Variants in DLGAP2 observed in about 807,000 individuals in gnomAD.
DLGAP2 encodes disks large-associated protein 2.
In DLGAP2, 26 loss-of-function variants were observed where a neutral mutation model predicts 100.3. That is an observed-to-expected ratio of 0.26 (90% CI 0.19 to 0.36). DLGAP2 has a LOEUF of 0.36. Ranked by LOEUF, DLGAP2 falls within the 10% of genes least tolerant of loss-of-function variation. The pLI is 1.00. For missense variants in DLGAP2, 1,858 were observed against 1,453.2 expected (o/e 1.28, Z -4.53); for synonymous variants, 886 against 630.1 (o/e 1.41, Z -6.08).
At chr8:1,607,707 G>T (rs1796848160) in intron 6 of DLGAP2, among the ~76,000 whole-genome samples, 1 of 152,232 alleles carries the variant, frequency 6.6e-6, no homozygotes. Flanking sequence ...CCGAAGCAGG[G>T]CGAGGCATTG....
intron 1 of DLGAP2, among the ~76,000 whole-genome samples, chr8:818,042 G>T (rs989930182): frequency 1.3e-5 from 2 of 152,166 alleles, no homozygotes; most frequent in Non-Finnish European, 2.9e-5. Flanking sequence ...CTCGGGCAGT[G>T]GGCAGGGCCA....
At chr8:1,192,891 C>T (rs570540241) in intron 2 of DLGAP2, among the ~76,000 whole-genome samples, 11 of 151,244 alleles carry the variant, frequency 7.3e-5, no homozygotes, top group African/African-American at 2.4e-4. Flanking sequence ...TTTCATTGTT[C>T]ACTTCCCACC....
chr8:1,679,266 C>T (rs56109136), intron 12 of DLGAP2, among the ~76,000 whole-genome samples: 5 of 107,072 alleles, frequency 4.7e-5, no homozygotes, highest in Non-Finnish European at 7.2e-5. Flanking sequence ...ACCGGAGTCA[C>T]CACCAAAGGT....
intron 1 of DLGAP2, among the ~76,000 whole-genome samples, chr8:871,687 A>G (rs532131284): frequency 3.3e-5 from 5 of 152,232 alleles, no homozygotes; most frequent in East Asian, 1.9e-4. Flanking sequence ...AGTATAGTCC[A>G]TATCTTCCAA....
At chr8:1,110,450 G>A (rs538102642) in intron 2 of DLGAP2, among the ~76,000 whole-genome samples, 1 of 146,970 alleles carries the variant, frequency 6.8e-6, no homozygotes, top group East Asian at 2.1e-4. Flanking sequence ...CACGTGCTGG[G>A]TCTGTGGGGT....
intron 1 of DLGAP2, among the ~76,000 whole-genome samples, chr8:872,957 T>C (rs1312712403): frequency 1.3e-5 from 2 of 152,152 alleles, no homozygotes; most frequent in African/African-American, 4.8e-5. Context: ...GCCTATAACC[T>C]ACACACATCC....
intron 3 of DLGAP2, among the ~76,000 whole-genome samples, chr8:1,435,839 T>A (rs1430787682): frequency 6.6e-6 from 1 of 151,914 alleles, no homozygotes; most frequent in African/African-American, 2.4e-5. Context: ...TAGAGGCTGA[T>A]GTGTTTTTGG....
chr8:1,330,606 TTCTGGGTGGGAGCACCGCTTCAC>T (rs1348364394), intron 3 of DLGAP2, among the ~76,000 whole-genome samples: 15 of 137,750 alleles, frequency 1.1e-4, no homozygotes, highest in Non-Finnish European at 1.9e-4. Flanking sequence ...GGGGACCGAG[TTCTGGGTGGGAGCACCGCTTCAC>T]GGGGACCGAG....
chr8:1,076,895 C>A (rs1429651239), intron 2 of DLGAP2, among the ~76,000 whole-genome samples: 2 of 127,996 alleles, frequency 1.6e-5, no homozygotes, highest in African/African-American at 6.2e-5. Flanking sequence ...GAGGAGGAGT[C>A]TGTCCCGGCC....
intron 1 of DLGAP2, among the ~76,000 whole-genome samples, chr8:843,087 A>G (rs1269594099): frequency 6.6e-6 from 1 of 152,072 alleles, no homozygotes; most frequent in Non-Finnish European, 1.5e-5. Flanking sequence ...TGTTTTCTGT[A>G]ATAATTTTTA....
At chr8:1,064,509 C>T (rs548967504) in intron 2 of DLGAP2, among the ~76,000 whole-genome samples, 70 of 152,348 alleles carry the variant, frequency 4.6e-4, no homozygotes, top group Non-Finnish European at 9.3e-4. Context: ...ATGACATCCA[C>T]TCAAATGTTA....
At chr8:1,081,815 C>T (rs1423102610) in intron 2 of DLGAP2, among the ~76,000 whole-genome samples, 1 of 152,132 alleles carries the variant, frequency 6.6e-6, no homozygotes, top group African/African-American at 2.4e-5. Context: ...AACTTAATTT[C>T]ACCCACAGCG....
At chr8:785,914 G>C (rs1485707121) in intron 1 of DLGAP2, among the ~76,000 whole-genome samples, 1 of 152,102 alleles carries the variant, frequency 6.6e-6, no homozygotes, top group Non-Finnish European at 1.5e-5. Context: ...GGCCCCTCCC[G>C]GGTGCTGCAG....
chr8:1,232,382 C>G (rs1320850429), intron 2 of DLGAP2, among the ~76,000 whole-genome samples: 1 of 152,216 alleles, frequency 6.6e-6, no homozygotes, highest in Non-Finnish European at 1.5e-5. Context: ...AGTCCTCTGT[C>G]CTCATCATTC....
intron 3 of DLGAP2, chr8:1,297,255 C>T (rs1447437453): frequency 6.6e-6 from 1 of 152,252 alleles, no homozygotes; most frequent in Non-Finnish European, 1.5e-5. Context: ...TTTGTATCCA[C>T]AAACAAATCT....
chr8:746,717 A>G (rs1051826511), intron 1 of DLGAP2, among the ~76,000 whole-genome samples: 9 of 152,210 alleles, frequency 5.9e-5, no homozygotes, highest in Admixed American at 4.6e-4. Context: ...TTGGCTGCAT[A>G]TAATAGAAAG....
chr8:844,648 A>T, intron 1 of DLGAP2, among the ~76,000 whole-genome samples: 1 of 152,202 alleles, frequency 6.6e-6, no homozygotes, highest in East Asian at 1.9e-4. Context: ...TCCAAACCAC[A>T]TGGATTAGTT....
At chr8:1,007,478 C>T (rs1479952970) in intron 2 of DLGAP2, among the ~76,000 whole-genome samples, 1 of 152,240 alleles carries the variant, frequency 6.6e-6, no homozygotes, top group Non-Finnish European at 1.5e-5. Context: ...AGCTGACTTA[C>T]ATCCCAGGAG....
chr8:1,667,018 C>T (rs1026019379), intron 8 of DLGAP2, among the ~76,000 whole-genome samples: 2 of 152,174 alleles, frequency 1.3e-5, no homozygotes, highest in African/African-American at 2.4e-5. Flanking sequence ...CGCCCACGTG[C>T]GCACTCACCT....
Sources: allele counts gnomAD v4.1 joint callset (sites outside exome capture counted in the v4.1 genomes callset), GRCh38; gene constraint gnomAD v4.1.1; transcripts MANE v1.5; gene names NCBI Gene and HGNC (gene_info 2026-07-23, HGNC 2026-07-21).